PTBP3: variants seen among roughly 807,000 people sequenced by gnomAD.
PTBP3 encodes polypyrimidine tract binding protein 3.
A neutral mutation model predicts 58.7 loss-of-function variants in PTBP3; 20 were observed. The observed-to-expected ratio is 0.34, with a 90% CI of 0.24 to 0.50. The LOEUF is 0.50. PTBP3 is among the 20% of genes least tolerant of loss of function. The probability of loss-of-function intolerance (pLI) is 0.98; values close to 1 mark genes in which losing one functional copy is unlikely to be tolerated. For missense variants in PTBP3, 509 were observed against 637.2 expected, an observed-to-expected ratio of 0.80 and a Z score of 2.17; for synonymous variants, 185 against 219.8, an observed-to-expected ratio of 0.84 and a Z score of 1.40.
rs1475963991 is a variant in PTBP3 at position 112,237,232 on chromosome 9, T to C, written c.803-2335A>G. Among the ~76,000 whole-genome samples, 6 of 152,142 alleles carry C rather than the reference T, an allele frequency of 3.9e-5. No individual in the cohort carries two copies. In the East Asian group the frequency reaches 1.2e-3, roughly 29 times the overall value. On this transcript the variant is annotated intron_variant, in intron 7 of 13. Coordinates refer to ENST00000374257, the MANE Select transcript of PTBP3 (RefSeq NM_001163788.4). ...TGACAAAACACACATTTTTCAAGTGTCTATATAATCCACACTCCCTAAATG... is the reference window on the plus strand; with the variant it reads ...TGACAAAACACACATTTTTCAAGTGCCTATATAATCCACACTCCCTAAATG...
chr9:112,233,855 CAGG>C (rs1215511789), intron 8 of PTBP3, among the ~76,000 whole-genome samples: 1 of 151,984 alleles, frequency 6.6e-6, no homozygotes, highest in Non-Finnish European at 1.5e-5. Flanking sequence ...CATTTGAACC[CAGG>C]AAGTGGAGGT....
chr9:112,276,055 T>G (rs41306473), intron 2 of PTBP3, 42 bp from the exon 3 acceptor site: 1 of 1,552,476 alleles, frequency 6.4e-7, no homozygotes, highest in African/African-American at 1.4e-5. Flanking sequence ...TGCAACTAAT[T>G]TGGGTTGACA....
At chr9:112,276,277 G>A (rs1416309671) in intron 2 of PTBP3, among the ~76,000 whole-genome samples, 2 of 151,754 alleles carry the variant, frequency 1.3e-5, no homozygotes, top group Non-Finnish European at 2.9e-5. Flanking sequence ...AAAGTATAAG[G>A]GTAAATGAAT....
chr9:112,236,476 G>A (rs191832999), intron 7 of PTBP3, among the ~76,000 whole-genome samples: 1 of 152,202 alleles, frequency 6.6e-6, no homozygotes, highest in African/African-American at 2.4e-5. Flanking sequence ...CTGTATTAAA[G>A]GCACAAAGGA....
At chr9:112,344,380 A>T in the PTBP3 span, among the ~76,000 whole-genome samples, 1 of 152,322 alleles carries the variant, frequency 6.6e-6, no homozygotes, top group East Asian at 1.9e-4. Flanking sequence ...TCAAGAATCC[A>T]TTAGTTATCA....
chr9:112,320,395 T>A (rs898530800), intron 1 of PTBP3, among the ~76,000 whole-genome samples: 2 of 148,808 alleles, frequency 1.3e-5, no homozygotes, highest in African/African-American at 5.0e-5. Flanking sequence ...CACTGCACAA[T>A]GTATATTACA....
chr9:112,330,267 G>T (rs1830315264), intron 1 of PTBP3, among the ~76,000 whole-genome samples: 1 of 152,136 alleles, frequency 6.6e-6, no homozygotes, highest in South Asian at 2.1e-4. Context: ...TAATACTATA[G>T]TTCCTCCTTA....
At chr9:112,302,580 A>ATTTTTTTTTTTTTT (rs1828984896) in intron 1 of PTBP3, among the ~76,000 whole-genome samples, 1 of 79,476 alleles carries the variant, frequency 1.3e-5, no homozygotes, top group African/African-American at 5.3e-5. Flanking sequence ...TATATTCTTC[A>ATTTTTTTTTTTTTT]TCTTTTTTTT....
the PTBP3 span, among the ~76,000 whole-genome samples, chr9:112,368,816 C>A: frequency 6.6e-6 from 1 of 152,162 alleles, no homozygotes; most frequent in Non-Finnish European, 1.5e-5. Context: ...GTCTCCAGGG[C>A]ATGTCAGAGG....
At chr9:112,256,511 G>A (rs1836371518) in intron 5 of PTBP3, among the ~76,000 whole-genome samples, 1 of 151,842 alleles carries the variant, frequency 6.6e-6, no homozygotes, top group African/African-American at 2.4e-5. Context: ...AGACCTGGTT[G>A]GAGAATTATA....
chr9:112,368,733 C>A, the PTBP3 span, among the ~76,000 whole-genome samples: 1 of 152,272 alleles, frequency 6.6e-6, no homozygotes, highest in Non-Finnish European at 1.5e-5. Flanking sequence ...AGATGAAATA[C>A]CTCTGTGAAC....
chr9:112,347,805 G>T, the PTBP3 span, among the ~76,000 whole-genome samples: 1 of 152,318 alleles, frequency 6.6e-6, no homozygotes. Flanking sequence ...TTCAGGGGAG[G>T]AGGCAGGGAG....
chr9:112,226,979 T>C (rs1233202585), intron 12 of PTBP3, among the ~76,000 whole-genome samples: 2 of 152,350 alleles, frequency 1.3e-5, no homozygotes, highest in East Asian at 3.9e-4. Flanking sequence ...TTTTAAGTAA[T>C]TACCATATCT....
At chr9:112,323,691 G>A (rs1435270440) in intron 1 of PTBP3, among the ~76,000 whole-genome samples, 2 of 152,212 alleles carry the variant, frequency 1.3e-5, no homozygotes, top group African/African-American at 2.4e-5. Context: ...CAATGAGCTT[G>A]AAGATATTCC....
At chr9:112,366,024 C>T in the PTBP3 span, among the ~76,000 whole-genome samples, 1 of 152,100 alleles carries the variant, frequency 6.6e-6, no homozygotes, top group Admixed American at 6.5e-5. Flanking sequence ...GGCACAGTGG[C>T]CTGTAATCCC....
At chr9:112,378,874 G>C in the PTBP3 span, among the ~76,000 whole-genome samples, 1 of 152,166 alleles carries the variant, frequency 6.6e-6, no homozygotes, top group South Asian at 2.1e-4. Context: ...AGGAAATAGA[G>C]TCATTTAGGG....
chr9:112,296,357 C>T (rs997338143), intron 2 of PTBP3, among the ~76,000 whole-genome samples: 5 of 151,878 alleles, frequency 3.3e-5, no homozygotes, highest in South Asian at 2.1e-4. Context: ...TATGCTTTAA[C>T]GCTTTCATTT....
intron 7 of PTBP3, among the ~76,000 whole-genome samples, chr9:112,245,034 C>T (rs1266321860): frequency 6.6e-6 from 1 of 152,172 alleles, no homozygotes; most frequent in Non-Finnish European, 1.5e-5. Context: ...CTCAGCCGGG[C>T]ACAGTAGCTC....
intron 1 of PTBP3, among the ~76,000 whole-genome samples, chr9:112,320,086 T>G (rs1016817184): frequency 6.6e-6 from 1 of 151,712 alleles, no homozygotes; most frequent in Non-Finnish European, 1.5e-5. Context: ...GTTCGAGAGA[T>G]CAATTGTTTA....
Sources: gnomAD v4.1 joint callset for allele counts (sites outside exome capture counted in the v4.1 genomes callset) on GRCh38, gnomAD v4.1.1 for gene constraint, MANE v1.5 for transcripts, NCBI Gene and HGNC (gene_info 2026-07-23, HGNC 2026-07-21) for gene names.